Variants in PCNX2 observed in about 807,000 individuals in gnomAD.
PCNX2 encodes the protein pecanex-like protein 2.
A neutral mutation model predicts 223.8 loss-of-function variants in PCNX2; 168 were observed. That is an observed-to-expected ratio of 0.75 (90% CI 0.66 to 0.85). The LOEUF is 0.85. Among genes scored for constraint, PCNX2 ranks in the 40% least tolerant of loss-of-function variants. PCNX2 has a pLI of 0.00. For missense variants in PCNX2, 2,507 were observed against 2,675.5 expected (o/e 0.94, Z 1.39); for synonymous variants, 1,006 against 1,052.6 (o/e 0.96, Z 0.86).
intron 1 of PCNX2, among the ~76,000 whole-genome samples, chr1:233,266,881 G>A (rs545623001): frequency 2.0e-5 from 3 of 152,202 alleles, no homozygotes; most frequent in South Asian, 2.1e-4. Flanking sequence ...AAGGTTTTAT[G>A]ACAACATTTC....
chr1:233,026,501 G>A (rs1333444549), intron 25 of PCNX2, among the ~76,000 whole-genome samples: 1 of 152,176 alleles, frequency 6.6e-6, no homozygotes, highest in African/African-American at 2.4e-5. Flanking sequence ...AGAAAGGACT[G>A]TCGAGGGAAC....
chr1:233,194,798 C>T (rs1286937330), intron 15 of PCNX2, among the ~76,000 whole-genome samples: 6 of 151,962 alleles, frequency 3.9e-5, no homozygotes, highest in Non-Finnish European at 8.8e-5. Context: ...AGGCGGATCA[C>T]GAGGTCAGGA....
intron 23 of PCNX2, among the ~76,000 whole-genome samples, chr1:233,059,419 T>C (rs1422113054): frequency 1.3e-5 from 2 of 152,206 alleles, no homozygotes; most frequent in African/African-American, 4.8e-5. Context: ...GTACTCATTA[T>C]ACCCATTCTC....
intron 21 of PCNX2, among the ~76,000 whole-genome samples, chr1:233,117,368 A>C (rs565362559): frequency 5.9e-5 from 9 of 151,766 alleles, no homozygotes; most frequent in African/African-American, 2.2e-4. Context: ...GCGGTTGCTC[A>C]CGCCTGTAAT....
At chr1:232,998,788 G>A (rs2102792740) in intron 31 of PCNX2, among the ~76,000 whole-genome samples, 1 of 152,286 alleles carries the variant, frequency 6.6e-6, no homozygotes, top group South Asian at 2.1e-4. Context: ...GTGTGCTGGG[G>A]ATGTTCTTCC....
intron 9 of PCNX2, among the ~76,000 whole-genome samples, chr1:233,233,546 C>A (rs1024001408): frequency 3.3e-5 from 5 of 151,854 alleles, no homozygotes; most frequent in Non-Finnish European, 5.9e-5. Context: ...TCATTCCCTA[C>A]ACACACACTG....
At chr1:233,161,239 G>A (rs922766642) in intron 18 of PCNX2, 32 bp downstream of exon 18, 1 of 1,561,768 alleles carries the variant, frequency 6.4e-7, no homozygotes, top group African/African-American at 1.4e-5. Context: ...GAATAAGGGG[G>A]CAGGAAGAGT....
At chr1:233,207,963 T>TA (rs916052528) in intron 13 of PCNX2, among the ~76,000 whole-genome samples, 1 of 152,198 alleles carries the variant, frequency 6.6e-6, no homozygotes, top group East Asian at 1.9e-4. Context: ...CATTTATTTT[T>TA]TTTTTTTTTG....
At chr1:233,260,028 G>A (rs569693247) in intron 4 of PCNX2, 123 of 178,486 alleles carry the variant, frequency 6.9e-4, no homozygotes, top group African/African-American at 2.5e-3. Context: ...TATAAGAGAC[G>A]TGAGCAACAT....
intron 12 of PCNX2, among the ~76,000 whole-genome samples, chr1:233,211,519 C>T (rs1435481350): frequency 6.6e-6 from 1 of 152,056 alleles, no homozygotes; most frequent in Non-Finnish European, 1.5e-5. Context: ...ACTGAGTGTC[C>T]TACCTACTTC....
chr1:233,202,265 T>G (rs1471703514), intron 13 of PCNX2: 3 of 463,782 alleles, frequency 6.5e-6, no homozygotes, highest in Admixed American at 4.8e-5. Flanking sequence ...GAACAAACAT[T>G]TTCTGTTAGC....
At chr1:233,222,645 T>G (rs1657453759) in intron 10 of PCNX2, among the ~76,000 whole-genome samples, 1 of 152,194 alleles carries the variant, frequency 6.6e-6, no homozygotes, top group Admixed American at 6.5e-5. Context: ...GTGGTCACAT[T>G]GACACTGGAA....
rs1324216507 is a variant in PCNX2 at position 233,253,807 on chromosome 1, C to G, written c.1835-1019G>C. 6.6e-6 allele frequency among the ~76,000 whole-genome samples: 1 copy of G among 152,188 alleles called. No homozygotes were observed. The highest frequency in any genetic ancestry group is 2.4e-5 in the African/African-American group (1 of 41,434). On this transcript the variant is annotated intron_variant, in intron 5 of 33. Coordinates refer to ENST00000258229, the MANE Select transcript of PCNX2 (RefSeq NM_014801.4). This position sits in a 1 kb window ranked among gnomAD's most constrained non-coding sequence, Gnocchi z 4.2. ...TTTTGAATCCTCTTTAAACAACAAA[C>G]CACTAAGGGTCTCAGGTTATACCAT...
intron 21 of PCNX2, among the ~76,000 whole-genome samples, chr1:233,096,485 G>A (rs1674176511): frequency 6.6e-6 from 1 of 152,152 alleles, no homozygotes; most frequent in Admixed American, 6.5e-5. Flanking sequence ...TGTAGGGAAG[G>A]ATAGAGAAGG....
Position 232,983,907 on chromosome 1 carries a change from G to A in PCNX2, c.*397C>T, listed in dbSNP as rs941865697. ...ACATGCAGTTGTCTTATTTTCATCA[G>A]GGCATTTGTTTCATGGCTCTGTTGA... On this transcript the variant is annotated 3_prime_UTR_variant, in exon 34 of 34. Coordinates refer to ENST00000258229, the MANE Select transcript of PCNX2 (RefSeq NM_014801.4). The A allele has an allele frequency of 6.2e-6, 1 of 161,800 alleles. No individual in the cohort carries two copies. The highest frequency in any genetic ancestry group is 1.3e-5 in the Non-Finnish European group (1 of 74,778). 10.0% of individuals were successfully genotyped at this position (161,800 alleles called of 1,614,324 possible).
At chr1:233,099,088 T>C (rs1298491267) in intron 21 of PCNX2, among the ~76,000 whole-genome samples, 1 of 152,244 alleles carries the variant, frequency 6.6e-6, no homozygotes, top group Non-Finnish European at 1.5e-5. Flanking sequence ...AGTGGATTGC[T>C]TAGGTCAGAC....
chr1:233,237,083 G>A lies in PCNX2; in HGVS notation c.2223-103C>T, dbSNP rs1483805726. 8 of 1,435,300 alleles carry A rather than the reference G, an allele frequency of 5.6e-6. No homozygotes were observed. In the South Asian group the frequency reaches 7.8e-5, roughly 14 times the overall value. 88.9% of individuals were successfully genotyped at this position (1,435,300 alleles called of 1,614,324 possible). On this transcript the variant is annotated intron_variant, in intron 8 of 33. Coordinates refer to ENST00000258229, the MANE Select transcript of PCNX2 (RefSeq NM_014801.4). The stretch of plus-strand genomic sequence containing the variant: ...ACAATAGGAATGCCCAAAGCAGGTA[G>A]TGGATGAGACTTTACAACCTTACAT...
At chr1:233,223,849 C>T (rs959590575) in intron 10 of PCNX2, among the ~76,000 whole-genome samples, 1 of 152,150 alleles carries the variant, frequency 6.6e-6, no homozygotes, top group Non-Finnish European at 1.5e-5. Flanking sequence ...GAATGATTTC[C>T]TCTTTACTTG....
At chr1:233,200,883 G>A (rs1681047513) in intron 13 of PCNX2, among the ~76,000 whole-genome samples, 14 of 151,342 alleles carry the variant, frequency 9.3e-5, no homozygotes, top group Admixed American at 8.6e-4. Flanking sequence ...AAAATTAGCT[G>A]GGCGTGGTGG....
Sources: gnomAD v4.1 joint callset for allele counts (sites outside exome capture counted in the v4.1 genomes callset) on GRCh38, gnomAD v4.1.1 for gene constraint, Gnocchi (gnomAD v3.1) non-coding constraint, MANE v1.5 for transcripts, NCBI Gene and HGNC (gene_info 2026-07-23, HGNC 2026-07-21) for gene names.